The following KCNIP4 variants were observed in gnomAD, a reference collection of about 807,000 sequenced individuals.
The protein encoded by KCNIP4 is potassium voltage-gated channel interacting protein 4.
Under a neutral mutation model 34.0 loss-of-function variants are expected in KCNIP4, and 12 were observed. The ratio of observed to expected loss-of-function variants is 0.35; its 90% CI spans 0.23 to 0.57. The LOEUF is 0.57. Ranked by LOEUF, KCNIP4 falls within the 20% of genes least tolerant of loss-of-function variation. The probability of loss-of-function intolerance (pLI) is 0.83; values close to 1 mark genes in which losing one functional copy is unlikely to be tolerated. For missense variants in KCNIP4, 238 were observed against 311.7 expected (o/e 0.76, Z 1.78); for synonymous variants, 124 against 102.2 (o/e 1.21, Z -1.29).
In KCNIP4 at chr4:20,842,311, C is replaced by T. The variant is rs962507424; in HGVS notation, c.288+8232G>A. On this transcript the variant is annotated intron_variant, in intron 3 of 8. Coordinates refer to ENST00000382152, the MANE Select transcript of KCNIP4 (RefSeq NM_025221.6). ...GGGAATTGTGGGAAGCAGCATTTCT[C>T]GCAGGAGAAAAAGTCCAGGTCAAGG... 5.3e-5 allele frequency among the ~76,000 whole-genome samples: 8 copies of T among 152,092 alleles called. No homozygotes were observed. In the East Asian group the frequency reaches 1.2e-3, roughly 22 times the overall value.
intron 1 of KCNIP4, among the ~76,000 whole-genome samples, chr4:21,092,610 A>T (rs964601278): frequency 1.3e-5 from 2 of 150,298 alleles, no homozygotes; most frequent in Non-Finnish European, 3.0e-5. Context: ...ACATGTTGAG[A>T]TTCCTGGAAA....
At chr4:21,544,426 G>A (rs1377257104) in intron 1 of KCNIP4, 1 of 152,144 alleles carries the variant, frequency 6.6e-6, no homozygotes, top group East Asian at 1.9e-4. Flanking sequence ...CACTTGACTG[G>A]GTTCTCTGCT....
At chr4:21,875,542 A>AT (rs1726062504) in intron 1 of KCNIP4, among the ~76,000 whole-genome samples, 1 of 152,078 alleles carries the variant, frequency 6.6e-6, no homozygotes, top group South Asian at 2.1e-4. Flanking sequence ...AGTAGAAGTG[A>AT]TTTTTTTGGC....
At chr4:20,782,788 GCTC>G (rs1044890565) in intron 3 of KCNIP4, among the ~76,000 whole-genome samples, 26 of 152,154 alleles carry the variant, frequency 1.7e-4, no homozygotes, top group African/African-American at 5.6e-4. Flanking sequence ...TTAACATTCA[GCTC>G]CTCATTACTT....
chr4:21,414,458 A>C (rs1038578169), intron 1 of KCNIP4, among the ~76,000 whole-genome samples: 3 of 152,210 alleles, frequency 2.0e-5, no homozygotes, highest in African/African-American at 7.2e-5. Context: ...GTGTGGAGAA[A>C]TTGAAACCCT....
intron 1 of KCNIP4, among the ~76,000 whole-genome samples, chr4:21,039,544 C>T (rs78735870): frequency 0.025 from 3,766 of 152,040 alleles, 149 homozygotes; most frequent in African/African-American, 0.085. Flanking sequence ...TAAAATGTGC[C>T]AGATCCCCAC....
chr4:21,178,799 G>C (rs1754627195), intron 1 of KCNIP4, among the ~76,000 whole-genome samples: 1 of 148,764 alleles, frequency 6.7e-6, no homozygotes, highest in South Asian at 2.2e-4. Flanking sequence ...CTAGTTTTCT[G>C]TCTTCTAACA....
At chr4:20,825,540 T>C (rs1717651958) in intron 3 of KCNIP4, among the ~76,000 whole-genome samples, 1 of 152,086 alleles carries the variant, frequency 6.6e-6, no homozygotes, top group Admixed American at 6.6e-5. Flanking sequence ...TGACAGAGAA[T>C]GTGGAAGAAA....
intron 1 of KCNIP4, among the ~76,000 whole-genome samples, chr4:21,473,300 C>A (rs770290741): frequency 1.3e-5 from 2 of 152,076 alleles, no homozygotes; most frequent in Non-Finnish European, 2.9e-5. Context: ...ACGGGGAAAT[C>A]CTTTAAACTG....
intron 1 of KCNIP4, among the ~76,000 whole-genome samples, chr4:21,531,368 C>CCTCCCTCT (rs1736672813): frequency 7.3e-6 from 1 of 137,174 alleles, no homozygotes; most frequent in Non-Finnish European, 1.6e-5. Flanking sequence ...TCCCTCCCTC[C>CCTCCCTCT]CTTCCTTCCT....
At chr4:21,519,751 G>A (rs1447167427) in intron 1 of KCNIP4, among the ~76,000 whole-genome samples, 1 of 136,988 alleles carries the variant, frequency 7.3e-6, no homozygotes, top group Non-Finnish European at 1.5e-5. Flanking sequence ...ATACACACGT[G>A]TGTGTATGTA....
chr4:21,717,702 A>G (rs1452082040), intron 1 of KCNIP4, among the ~76,000 whole-genome samples: 1 of 152,148 alleles, frequency 6.6e-6, no homozygotes, highest in Non-Finnish European at 1.5e-5. Context: ...CTTTGCACAT[A>G]TTAGCCTATG....
At position 21,321,359 on chromosome 4, in the gene KCNIP4, T is replaced by A. The variant is rs1333240859; in HGVS notation, c.62-438650A>T. Among the ~76,000 whole-genome samples, 6 of 152,076 alleles carry A rather than the reference T, an allele frequency of 3.9e-5. No individual in the cohort carries two copies. The South Asian group carries it at 1.2e-3, about 32-fold the overall frequency. ...GAAAGGTTTGATTTATGAGGCTAGA[T>A]TAAAGGAGATAAATGCCTATTATGT... On this transcript the variant is annotated intron_variant, in intron 1 of 8. Coordinates refer to ENST00000382152, the MANE Select transcript of KCNIP4 (RefSeq NM_025221.6).
At chr4:21,013,091 A>G (rs548077571) in intron 1 of KCNIP4, among the ~76,000 whole-genome samples, 1 of 152,302 alleles carries the variant, frequency 6.6e-6, no homozygotes, top group South Asian at 2.1e-4. Flanking sequence ...TTAATAAATT[A>G]TAGGTAGAAG....
At chr4:20,863,447 T>C (rs967919368) in intron 2 of KCNIP4, among the ~76,000 whole-genome samples, 7 of 152,154 alleles carry the variant, frequency 4.6e-5, no homozygotes, top group African/African-American at 1.7e-4. Context: ...CAGGAGCAAT[T>C]TGGGGAAGTT....
At chr4:21,885,843 G>A (rs1278967743) in intron 1 of KCNIP4, among the ~76,000 whole-genome samples, 1 of 152,096 alleles carries the variant, frequency 6.6e-6, no homozygotes, top group Non-Finnish European at 1.5e-5. Context: ...ATCACATGAA[G>A]CTTGCTTCTT....
intron 1 of KCNIP4, among the ~76,000 whole-genome samples, chr4:21,011,409 G>A (rs1739054052): frequency 6.6e-6 from 1 of 152,138 alleles, no homozygotes; most frequent in African/African-American, 2.4e-5. Flanking sequence ...TGGGATACTT[G>A]GACAATATTA....
chr4:20,755,550 C>T (rs190535334), intron 4 of KCNIP4, among the ~76,000 whole-genome samples: 24 of 152,276 alleles, frequency 1.6e-4, no homozygotes, highest in Admixed American at 2.6e-4. Context: ...TGGAGAAATC[C>T]TCTGTTCCCC....
chr4:21,363,041 C>T (rs988468478), intron 1 of KCNIP4, among the ~76,000 whole-genome samples: 13 of 152,138 alleles, frequency 8.5e-5, no homozygotes, highest in Non-Finnish European at 1.9e-4. Context: ...ACTGAATTCT[C>T]ATAGTTGCTT....
Sources: allele counts gnomAD v4.1 joint callset (sites outside exome capture counted in the v4.1 genomes callset), GRCh38; gene constraint gnomAD v4.1.1; transcripts MANE v1.5; gene names NCBI Gene and HGNC (gene_info 2026-07-23, HGNC 2026-07-21).